The following ROBO1 variants were observed in gnomAD, a reference collection of about 807,000 sequenced individuals.
ROBO1 encodes the protein roundabout guidance receptor 1, also known as roundabout homolog 1.
Under a neutral mutation model 195.9 loss-of-function variants are expected in ROBO1, and 149 were observed. That is an observed-to-expected ratio of 0.76 (90% CI 0.67 to 0.87). The LOEUF (loss-of-function observed/expected upper bound fraction) is 0.87, where lower values mean the gene tolerates loss of function less well. Among genes scored for constraint, ROBO1 ranks in the 40% least tolerant of loss-of-function variants. ROBO1 has a pLI of 0.00. For synonymous variants in ROBO1, 816 were observed against 733.2 expected (o/e 1.11, Z -1.82); for missense variants, 1,933 against 2,068.3 (o/e 0.93, Z 1.27).
At chr3:79,190,424 T>C (rs570809266) in intron 2 of ROBO1, among the ~76,000 whole-genome samples, 1 of 151,790 alleles carries the variant, frequency 6.6e-6, no homozygotes, top group Admixed American at 6.6e-5. Context: ...AGTGGCTATC[T>C]TATTGAACAG....
chr3:79,056,062 C>T (rs898042784), intron 3 of ROBO1, among the ~76,000 whole-genome samples: 3 of 152,132 alleles, frequency 2.0e-5, no homozygotes, highest in Non-Finnish European at 4.4e-5. Flanking sequence ...GCCATCCAAC[C>T]CAGCATGCCT....
chr3:79,006,262 AC>A (rs34712224), intron 3 of ROBO1, among the ~76,000 whole-genome samples: 62,913 of 152,018 alleles, frequency 0.41, 14,739 homozygotes, highest in East Asian at 0.57. Context: ...GTAAATAGCT[AC>A]CAATAAAGGA....
chr3:78,926,867 G>A (rs2039251492), intron 4 of ROBO1, among the ~76,000 whole-genome samples: 1 of 152,046 alleles, frequency 6.6e-6, no homozygotes, highest in Non-Finnish European at 1.5e-5. Flanking sequence ...TCTCTATATG[G>A]CCTATCTCAG....
At chr3:79,620,163 G>A (rs566291574) in intron 1 of ROBO1, among the ~76,000 whole-genome samples, 16 of 152,176 alleles carry the variant, frequency 1.1e-4, no homozygotes, top group Non-Finnish European at 2.2e-4. Flanking sequence ...TGTCCCGTCT[G>A]TGCGGGACCC....
chr3:79,151,901 C>T (rs1217783937), intron 2 of ROBO1, among the ~76,000 whole-genome samples: 1 of 151,874 alleles, frequency 6.6e-6, no homozygotes, highest in African/African-American at 2.4e-5. Context: ...AAGTTCCTCC[C>T]TAACATTGAT....
chr3:78,737,635 T>A (rs773715514), intron 5 of ROBO1, among the ~76,000 whole-genome samples: 15 of 152,196 alleles, frequency 9.9e-5, no homozygotes, highest in Middle Eastern at 3.2e-3. Context: ...TATAATGTGG[T>A]CTTATAATGC....
intron 2 of ROBO1, among the ~76,000 whole-genome samples, chr3:79,567,500 TTTG>T (rs1213794156): frequency 1.3e-5 from 2 of 152,164 alleles, no homozygotes; most frequent in Non-Finnish European, 2.9e-5. Context: ...CTACTTTATT[TTTG>T]TTGTCTATTT....
chr3:78,902,312 G>C (rs2037637845), intron 4 of ROBO1, among the ~76,000 whole-genome samples: 1 of 152,022 alleles, frequency 6.6e-6, no homozygotes, highest in South Asian at 2.1e-4. Flanking sequence ...CTCCATTTTA[G>C]GTCAAAGGAT....
chr3:79,767,206 C>T (rs1407643065), intron 1 of ROBO1, among the ~76,000 whole-genome samples: 1 of 152,204 alleles, frequency 6.6e-6, no homozygotes, highest in Non-Finnish European at 1.5e-5. Context: ...AAGCTCCCTG[C>T]AGCCTGCCCG....
chr3:79,688,676 G>A (rs2107054595), intron 1 of ROBO1, among the ~76,000 whole-genome samples: 1 of 151,898 alleles, frequency 6.6e-6, no homozygotes, highest in South Asian at 2.1e-4. Flanking sequence ...CAATTTATAA[G>A]AACTAGAATT....
intron 4 of ROBO1, among the ~76,000 whole-genome samples, chr3:78,894,764 C>T (rs1301958600): frequency 2.0e-5 from 3 of 152,166 alleles, no homozygotes; most frequent in Non-Finnish European, 2.9e-5. Flanking sequence ...GCAGGAATCT[C>T]CGAAGACAAG....
Position 79,663,567 on chromosome 3 carries a change from G to A in ROBO1, c.-50-73606C>T, listed in dbSNP as rs72893956. Among the ~76,000 whole-genome samples, 1,135 of 151,952 alleles carry A rather than the reference G, an allele frequency of 7.5e-3. 13 individuals carry two copies. The highest frequency in any genetic ancestry group is 0.026 in the African/African-American group (1,072 of 41,486). ...AGGTCTCACTAGGTTGCCCAGGCTG[G>A]TCTCTCCTGGGCTCAAGGGATTCTC... On this transcript the variant is annotated intron_variant, in intron 1 of 30. Transcript: ENST00000464233.
intron 26 of ROBO1, among the ~76,000 whole-genome samples, chr3:78,622,171 C>G (rs1020602033): frequency 1.3e-5 from 2 of 151,988 alleles, no homozygotes; most frequent in African/African-American, 4.8e-5. Context: ...ATGTTGATCA[C>G]CTAGTTTACC....
intron 1 of ROBO1, among the ~76,000 whole-genome samples, chr3:79,623,457 G>A (rs1353444699): frequency 6.6e-6 from 1 of 152,152 alleles, no homozygotes; most frequent in Non-Finnish European, 1.5e-5. Flanking sequence ...TTGATAAAAT[G>A]TTAGAGGAAT....
intron 1 of ROBO1, among the ~76,000 whole-genome samples, chr3:79,591,653 A>G (rs1362204510): frequency 6.6e-6 from 1 of 151,946 alleles, no homozygotes; most frequent in Non-Finnish European, 1.5e-5. Flanking sequence ...TCTTTAATCC[A>G]TACTATGCAG....
At chr3:79,139,547 C>T (rs1001244780) in intron 2 of ROBO1, among the ~76,000 whole-genome samples, 2 of 152,016 alleles carry the variant, frequency 1.3e-5, no homozygotes, top group African/African-American at 4.8e-5. Context: ...ATGACTACCC[C>T]TTTATAGAAT....
intron 1 of ROBO1, among the ~76,000 whole-genome samples, chr3:79,648,600 A>G (rs1331589257): frequency 6.6e-6 from 1 of 152,096 alleles, no homozygotes; most frequent in East Asian, 1.9e-4. Flanking sequence ...AAATGAGAGA[A>G]AAGAAGCTGT....
At chr3:78,727,479 A>C (rs927429452) in intron 5 of ROBO1, among the ~76,000 whole-genome samples, 10 of 152,156 alleles carry the variant, frequency 6.6e-5, no homozygotes, top group Admixed American at 6.5e-4. Context: ...ACAAAAAATT[A>C]TCCGGGCGTG....
At chr3:79,325,800 A>T (rs991344847) in intron 2 of ROBO1, among the ~76,000 whole-genome samples, 11 of 152,292 alleles carry the variant, frequency 7.2e-5, no homozygotes, top group African/African-American at 7.2e-5. Context: ...ACCTTGAAAA[A>T]AGAACAGGAT....
Sources: gnomAD v4.1 joint callset for allele counts (sites outside exome capture counted in the v4.1 genomes callset) on GRCh38, gnomAD v4.1.1 for gene constraint, MANE v1.5 for transcripts, NCBI Gene and HGNC (gene_info 2026-07-23, HGNC 2026-07-21) for gene names.